The following RUNX2 variants were observed in gnomAD, a reference collection of about 807,000 sequenced individuals.
RUNX2 encodes the protein runt-related transcription factor 2.
RUNX2 carries 10 observed loss-of-function variants against 51.7 expected under a neutral mutation model. That is an observed-to-expected ratio of 0.19 (90% confidence interval 0.12 to 0.33). RUNX2 has a LOEUF of 0.33. Ranked by LOEUF, RUNX2 falls within the 10% of genes least tolerant of loss-of-function variation. The pLI, the probability that RUNX2 is intolerant of heterozygous loss-of-function variation, is 1.00. For missense variants in RUNX2, 562 were observed against 691.3 expected, an observed-to-expected ratio of 0.81 and a Z score of 2.10; for synonymous variants, 276 against 273.6, an observed-to-expected ratio of 1.01 and a Z score of -0.09.
At chr6:45,493,277 T>C (rs1800542720) in intron 6 of RUNX2, among the ~76,000 whole-genome samples, 1 of 152,156 alleles carries the variant, frequency 6.6e-6, no homozygotes, top group Non-Finnish European at 1.5e-5. Context: ...TAACCAGATA[T>C]CTGCATTAAG....
chr6:45,453,286 G>A, intron 5 of RUNX2, among the ~76,000 whole-genome samples: 1 of 152,120 alleles, frequency 6.6e-6, no homozygotes, highest in Non-Finnish European at 1.5e-5. Flanking sequence ...GTTTCCTCCT[G>A]TTGTTTATCT....
intron 5 of RUNX2, among the ~76,000 whole-genome samples, chr6:45,488,878 T>C (rs1452743746): frequency 6.6e-6 from 1 of 152,216 alleles, no homozygotes; most frequent in Non-Finnish European, 1.5e-5. Context: ...CAGAGTACCC[T>C]ATCCTTGACT....
At chr6:45,537,228 C>T (rs192704211) in intron 7 of RUNX2, among the ~76,000 whole-genome samples, 76 of 152,290 alleles carry the variant, frequency 5.0e-4, no homozygotes, top group Non-Finnish European at 3.7e-4. Context: ...TGAGTGCATG[C>T]GTCTGCCTCC....
Position 45,549,360 on chromosome 6 carries a change from G to A in RUNX2, c.*2055G>A. The A allele has an allele frequency of 2.5e-6, 1 of 398,498 alleles. No homozygotes were observed. The highest frequency in any genetic ancestry group is 4.4e-5 in the Admixed American group (1 of 22,726). 24.7% of individuals were successfully genotyped at this position (398,498 alleles called of 1,614,324 possible). On this transcript the variant is annotated 3_prime_UTR_variant, in exon 9 of 9. Transcript: ENST00000647337. ...CCCAGCATTGCAGGACAGCGTGTGG[G>A]GCAGCTGGACCTGTGCTTCCTGCCT...
rs760049118 is a variant in RUNX2 at position 45,422,643 on chromosome 6, G to C, written c.109G>C (p.Gly37Arg). Residue 37 changes from glycine to arginine, a missense_variant, in exon 3 of 9, where the codon GGC (glycine) becomes CGC (arginine). Transcript: ENST00000647337. ...FSPPSSSLQP[G>R]KMSDVSPVVA... is the part of the protein sequence containing the mutation. Reference sequence around the variant, plus strand: ...CCCCCCCTCCAGCAGCCTGCAGCCCGGCAAAATGAGCGACGTGAGCCCGGT... The same window carrying C: ...CCCCCCCTCCAGCAGCCTGCAGCCCCGCAAAATGAGCGACGTGAGCCCGGT... The C allele has an allele frequency of 1.3e-5, 21 of 1,606,090 alleles. No individual in the cohort carries two copies. Among genetic ancestry groups the C allele is most frequent in the Admixed American group, 8.5e-5 (5 of 58,740 alleles).
At chr6:45,379,252 A>C (rs909352617) in intron 2 of RUNX2, among the ~76,000 whole-genome samples, 4 of 152,210 alleles carry the variant, frequency 2.6e-5, no homozygotes, top group African/African-American at 9.7e-5. Context: ...GGATCAATTC[A>C]TTGCTGAGCA....
intron 2 of RUNX2, among the ~76,000 whole-genome samples, chr6:45,350,707 A>C (rs1166635545): frequency 6.6e-6 from 1 of 152,232 alleles, no homozygotes; most frequent in Non-Finnish European, 1.5e-5. Context: ...GGAAGCTTAT[A>C]AAACACATGA....
chr6:45,511,658 C>G (rs1801155806), intron 6 of RUNX2, among the ~76,000 whole-genome samples: 1 of 152,144 alleles, frequency 6.6e-6, no homozygotes, highest in Admixed American at 6.5e-5. Context: ...CCCTTATTCC[C>G]TTCACCCCAT....
intron 7 of RUNX2, among the ~76,000 whole-genome samples, chr6:45,525,671 C>A (rs564342322): frequency 6.6e-6 from 1 of 152,282 alleles, no homozygotes; most frequent in South Asian, 2.1e-4. Context: ...GGTTTTCTTA[C>A]AGGAGAGATT....
chr6:45,441,172 TTTATCACTTA>T (rs1459344356), intron 5 of RUNX2, among the ~76,000 whole-genome samples: 23 of 152,192 alleles, frequency 1.5e-4, no homozygotes, highest in African/African-American at 5.5e-4. Flanking sequence ...TATACTTCTG[TTTATCACTTA>T]TAGTGGCTTG....
At chr6:45,540,685 C>T (rs983032868) in intron 7 of RUNX2, among the ~76,000 whole-genome samples, 8 of 152,170 alleles carry the variant, frequency 5.3e-5, no homozygotes, top group East Asian at 1.9e-4. Context: ...TTAGTGGCAG[C>T]GATTAACCCA....
chr6:45,445,106 C>A (rs2150376473), intron 5 of RUNX2, among the ~76,000 whole-genome samples: 1 of 152,242 alleles, frequency 6.6e-6, no homozygotes, highest in South Asian at 2.1e-4. Context: ...CTCACTGCAA[C>A]CTCCACCTCC....
At chr6:45,466,863 GACAA>G (rs1317062603) in intron 5 of RUNX2, among the ~76,000 whole-genome samples, 1 of 152,188 alleles carries the variant, frequency 6.6e-6, no homozygotes, top group African/African-American at 2.4e-5. Context: ...ATAAGAAACT[GACAA>G]ACAATTCCTG....
At chr6:45,475,123 TAAA>T (rs35187443) in intron 5 of RUNX2, among the ~76,000 whole-genome samples, 14 of 129,006 alleles carry the variant, frequency 1.1e-4, no homozygotes, top group Admixed American at 1.6e-4. Flanking sequence ...GACTCCATCT[TAAA>T]AAAAAAAAAA....
At chr6:45,392,968 A>G (rs1797502864) in intron 2 of RUNX2, among the ~76,000 whole-genome samples, 1 of 151,828 alleles carries the variant, frequency 6.6e-6, no homozygotes, top group African/African-American at 2.4e-5. Flanking sequence ...TTCTTTGTCC[A>G]TGTCACATCT....
At chr6:45,374,054 C>T (rs1796451269) in intron 2 of RUNX2, among the ~76,000 whole-genome samples, 1 of 152,140 alleles carries the variant, frequency 6.6e-6, no homozygotes, top group Non-Finnish European at 1.5e-5. Flanking sequence ...AAATGTAATT[C>T]TCATTTGATG....
At chr6:45,509,714 C>T (rs1009155978) in intron 6 of RUNX2, among the ~76,000 whole-genome samples, 2 of 152,212 alleles carry the variant, frequency 1.3e-5, no homozygotes, top group African/African-American at 4.8e-5. Flanking sequence ...TCCCACTGTA[C>T]TGAGCCGCCT....
chr6:45,529,730 G>GA lies in RUNX2; in HGVS notation c.1022-15480dup, dbSNP rs1801784954. Among the ~76,000 whole-genome samples the GA allele has an allele frequency of 3.9e-5, 6 of 152,070 alleles. No individual in the cohort carries two copies. The South Asian group carries it at 1.2e-3, about 32-fold the overall frequency. On this transcript the variant is annotated intron_variant, in intron 7 of 8. Coordinates refer to ENST00000647337, the MANE Select transcript of RUNX2 (RefSeq NM_001024630.4). ...AGCAGATAACAGATAACAGCCCCTG[G>GA]AAAAAAACAGTCACTTTAAAAAGGA...
At chr6:45,541,399 G>A (rs747111123) in intron 7 of RUNX2, among the ~76,000 whole-genome samples, 1 of 152,110 alleles carries the variant, frequency 6.6e-6, no homozygotes, top group African/African-American at 2.4e-5. Flanking sequence ...TGGGAAGGGG[G>A]CAGCCAAAAC....
Sources: gnomAD v4.1 joint callset for allele counts (sites outside exome capture counted in the v4.1 genomes callset) on GRCh38, gnomAD v4.1.1 for gene constraint, MANE v1.5 for transcripts, NCBI Gene and HGNC (gene_info 2026-07-23, HGNC 2026-07-21) for gene names.